The following LIMA1 variants were observed in gnomAD, a reference collection of about 807,000 sequenced individuals.
LIMA1 encodes the protein LIM domain and actin binding 1.
A neutral mutation model predicts 62.6 loss-of-function variants in LIMA1; 52 were observed. The ratio of observed to expected loss-of-function variants is 0.83; its 90% CI spans 0.67 to 1.05. The LOEUF is 1.05. Ranked by LOEUF, LIMA1 falls within the 50% of genes least tolerant of loss-of-function variation. The probability of loss-of-function intolerance (pLI) is 0.00; values close to 1 mark genes in which losing one functional copy is unlikely to be tolerated. For synonymous variants in LIMA1, 302 were observed against 317.8 expected, an observed-to-expected ratio of 0.95 and a Z score of 0.53; for missense variants, 780 against 902.2, an observed-to-expected ratio of 0.86 and a Z score of 1.74.
intron 1 of LIMA1, among the ~76,000 whole-genome samples, chr12:50,274,135 A>G (rs2138704630): frequency 6.6e-6 from 1 of 152,320 alleles, no homozygotes; most frequent in South Asian, 2.1e-4. Context: ...GCTGTTGTCC[A>G]GTTAAAAAAA....
intron 1 of LIMA1, among the ~76,000 whole-genome samples, chr12:50,254,782 G>A (rs969532808): frequency 3.3e-5 from 5 of 152,182 alleles, no homozygotes; most frequent in Non-Finnish European, 5.9e-5. Flanking sequence ...AAAAACAGCC[G>A]GGCGCGGTGG....
chr12:50,255,140 T>C (rs987862687), intron 1 of LIMA1, among the ~76,000 whole-genome samples: 34 of 152,048 alleles, frequency 2.2e-4, no homozygotes, highest in African/African-American at 8.0e-4. Context: ...TTCTTATATA[T>C]CCGATCTCAG....
rs921601419 is a variant in LIMA1, at chr12:50,281,901, C to A, written c.-24+1519G>T. 3.9e-5 allele frequency among the ~76,000 whole-genome samples: 6 copies of A among 152,258 alleles called. No homozygotes were observed. In the East Asian group the frequency reaches 1.2e-3, roughly 29 times the overall value. On this transcript the variant is annotated intron_variant, in intron 1 of 10. Coordinates refer to ENST00000341247, the MANE Select transcript of LIMA1 (RefSeq NM_016357.5). Reference sequence around the variant, plus strand: ...AGTATAGAAATGACCTCACTAATACCATAAATTGTATGTGGATCTGTCTAA... The same window carrying A: ...AGTATAGAAATGACCTCACTAATACAATAAATTGTATGTGGATCTGTCTAA...
rs552566106 is a variant in LIMA1 at position 50,219,314 on chromosome 12, G to A, written c.630+2707C>T. Among the ~76,000 whole-genome samples, 6 of 151,742 alleles carry A rather than the reference G, an allele frequency of 4.0e-5. No individual in the cohort carries two copies. In the South Asian group the frequency reaches 1.0e-3, roughly 26 times the overall value. ...AGCCTGACCAATATGATGAAACTCC[G>A]TCTCTACTAAACATACAAAAATTAG... On this transcript the variant is annotated intron_variant, in intron 4 of 10. Coordinates refer to ENST00000341247, the MANE Select transcript of LIMA1 (RefSeq NM_016357.5).
intron 10 of LIMA1, among the ~76,000 whole-genome samples, chr12:50,179,763 G>A (rs1428878093): frequency 7.0e-6 from 1 of 142,210 alleles, no homozygotes; most frequent in African/African-American, 2.6e-5. Flanking sequence ...TTTTTTGAGT[G>A]GAGGTCTTGC....
chr12:50,176,888 G>GT lies in LIMA1; in HGVS notation c.*175dup, dbSNP rs1165729693. On this transcript the variant is annotated 3_prime_UTR_variant, in exon 11 of 11. Coordinates refer to ENST00000341247, the MANE Select transcript of LIMA1 (RefSeq NM_016357.5). ...AAGTTATCTCTAGTATTTAGAATGT[G>GT]TTTTTTGTGTTTTTTTGTTTTGTTT... is the stretch of plus-strand genomic sequence containing the variant. The GT allele has an allele frequency of 1.8e-6, 1 of 554,670 alleles. No individual in the cohort carries two copies. The highest frequency in any genetic ancestry group is 2.9e-5 in the East Asian group (1 of 34,236). The allele number at this position is 554,670 out of a possible 1,614,324, so 34.4% of individuals were successfully genotyped here. A position where few individuals can be genotyped will look rare whatever the true frequency, so the allele number is the denominator to read the frequency against.
chr12:50,194,817 G>T (rs1468097283), intron 8 of LIMA1, among the ~76,000 whole-genome samples: 5 of 152,210 alleles, frequency 3.3e-5, no homozygotes, highest in Middle Eastern at 3.4e-3. Context: ...TGAGGCCGAG[G>T]CGGGTGGATT....
At chr12:50,205,630 G>C (rs923101208) in intron 5 of LIMA1, among the ~76,000 whole-genome samples, 5 of 151,836 alleles carry the variant, frequency 3.3e-5, no homozygotes, top group Admixed American at 2.0e-4. Flanking sequence ...CAGATGACTG[G>C]AGGCAAAACT....
At chr12:50,236,750 A>G (rs1462575607) in intron 2 of LIMA1, among the ~76,000 whole-genome samples, 1 of 151,902 alleles carries the variant, frequency 6.6e-6, no homozygotes, top group Admixed American at 6.6e-5. Context: ...ACACACACAC[A>G]CACACGCACA....
At position 50,275,085 on chromosome 12, in the gene LIMA1, G is replaced by A. The variant is rs576771456; in HGVS notation, c.-24+8335C>T. Among the ~76,000 whole-genome samples, 9 of 152,208 alleles carry A rather than the reference G, an allele frequency of 5.9e-5. No individual in the cohort carries two copies. In the East Asian group the frequency reaches 1.7e-3, roughly 29 times the overall value. On this transcript the variant is annotated intron_variant, in intron 1 of 10. Transcript: ENST00000341247. Reference sequence around the variant, plus strand: ...CTAAATGAGTACTTTGGCCAGGTGCGGTGGCTCATGCCTATAATCCCAGCA... The same window carrying A: ...CTAAATGAGTACTTTGGCCAGGTGCAGTGGCTCATGCCTATAATCCCAGCA...
At chr12:50,259,631 A>G (rs1028012199) in intron 1 of LIMA1, among the ~76,000 whole-genome samples, 17 of 152,316 alleles carry the variant, frequency 1.1e-4, no homozygotes, top group African/African-American at 4.1e-4. Context: ...ATAACATCAA[A>G]TGTTATAAAT....
intron 2 of LIMA1, among the ~76,000 whole-genome samples, chr12:50,247,819 G>C (rs1941872946): frequency 6.6e-6 from 1 of 151,996 alleles, no homozygotes; most frequent in African/African-American, 2.4e-5. Context: ...AGTAGAGACA[G>C]GGTTTCACCA....
At chr12:50,182,138 G>A in intron 9 of LIMA1, 101 bp from the exon 10 acceptor site, 1 of 1,303,300 alleles carries the variant, frequency 7.7e-7, no homozygotes, top group South Asian at 1.3e-5. Context: ...TCCCTTAGCT[G>A]GTCAGTCAAT....
chr12:50,275,783 G>A (rs1164105968), intron 1 of LIMA1, among the ~76,000 whole-genome samples: 2 of 152,184 alleles, frequency 1.3e-5, no homozygotes, highest in African/African-American at 4.8e-5. Context: ...ACAGTGCCAG[G>A]TGGGTGGGTC....
intron 1 of LIMA1, among the ~76,000 whole-genome samples, chr12:50,257,340 G>A (rs1942009665): frequency 6.6e-6 from 1 of 152,122 alleles, no homozygotes; most frequent in South Asian, 2.1e-4. Flanking sequence ...CTCAGATGAT[G>A]TTGAAGGCCG....
intron 4 of LIMA1, 37 bp from the exon 5 acceptor site, chr12:50,206,105 C>T: frequency 6.4e-7 from 1 of 1,559,536 alleles, no homozygotes; most frequent in Non-Finnish European, 8.8e-7. Context: ...TTTGCAGAAA[C>T]AATGGGAAAT....
chr12:50,179,460 CAG>C (rs1206820783), intron 10 of LIMA1, among the ~76,000 whole-genome samples: 1 of 111,846 alleles, frequency 8.9e-6, no homozygotes, highest in Admixed American at 9.3e-5. Flanking sequence ...TTTTTTGAGA[CAG>C]AGTCTCGCTC....
intron 1 of LIMA1, among the ~76,000 whole-genome samples, chr12:50,263,501 C>A (rs890122620): frequency 1.3e-5 from 2 of 151,972 alleles, no homozygotes; most frequent in African/African-American, 2.4e-5. Context: ...AGAATGCAAT[C>A]GAAAATGTCA....
intron 9 of LIMA1, chr12:50,189,678 T>C (rs576357893): frequency 6.6e-6 from 1 of 152,328 alleles, no homozygotes; most frequent in South Asian, 2.1e-4. Flanking sequence ...TATTTGCCCA[T>C]AGAAGAGGAA....
Sources: allele counts gnomAD v4.1 joint callset (sites outside exome capture counted in the v4.1 genomes callset), GRCh38; gene constraint gnomAD v4.1.1; transcripts MANE v1.5; gene names NCBI Gene and HGNC (gene_info 2026-07-23, HGNC 2026-07-21).